Variants in NKTR observed in about 807,000 individuals in gnomAD.
NKTR encodes the protein natural killer cell triggering receptor, also known as NK-tumor recognition protein.
A neutral mutation model predicts 156.3 loss-of-function variants in NKTR; 67 were observed. The observed-to-expected ratio is 0.43, with a 90% CI of 0.35 to 0.53. The LOEUF (loss-of-function observed/expected upper bound fraction) is 0.53, where lower values mean the gene tolerates loss of function less well. Among genes scored for constraint, NKTR ranks in the 20% least tolerant of loss-of-function variants. The pLI is 0.01. For missense variants in NKTR, 1,604 were observed against 1,730.9 expected (o/e 0.93, Z 1.30); for synonymous variants, 640 against 596.6 (o/e 1.07, Z -1.06).
chr3:42,634,698 A>G lies in NKTR; in HGVS notation c.1015A>G (p.Ile339Val), dbSNP rs937651215. The G allele has an allele frequency of 5.1e-6, 8 of 1,570,414 alleles. No individual in the cohort carries two copies. In the Admixed American group the frequency reaches 5.3e-5, roughly 10 times the overall value. The change falls in exon 11 of 17, where the codon ATT becomes GTT. Residue 339 changes from isoleucine to valine, a missense_variant and splice_region_variant. By Grantham distance (29) the Ile-to-Val change is conservative. Coordinates refer to ENST00000232978, the MANE Select transcript of NKTR (RefSeq NM_005385.4). The stretch of plus-strand genomic sequence containing the variant: ...ACGGAAGATTAAAGGAAGGGGCACA[A>G]TTGTATGTGTGATAAGACTTTTTTT... ...SGRKIKGRGT[I>V]RYHTPPRSRS... is the part of the protein sequence containing the mutation.
chr3:42,628,362 A>T, intron 6 of NKTR: 1 of 985,300 alleles, frequency 1.0e-6, no homozygotes, highest in Non-Finnish European at 1.2e-6. Context: ...TAAAAACTAA[A>T]CTTGAATGTC....
chr3:42,628,583 T>G, intron 6 of NKTR: 10 of 985,414 alleles, frequency 1.0e-5, no homozygotes, highest in Non-Finnish European at 1.2e-5. Flanking sequence ...CTGCAGGATC[T>G]GTGAGTCATG....
At position 42,638,591 on chromosome 3, in the gene NKTR, T is replaced by C; in HGVS notation, c.2887T>C (p.Ser963Pro). 1 of 1,613,870 alleles carries C rather than the reference T, an allele frequency of 6.2e-7. No individual in the cohort carries two copies. Among genetic ancestry groups the C allele is most frequent in the South Asian group, 1.1e-5 (1 of 91,026 alleles). The part of the protein sequence containing the change: ...QRTSTSDSEG[S>P]CSNSENNRGK... ...CACATCAACTTCTGACTCTGAGGGG[T>C]CCTGTTCCAATTCGGAAAACAATAG... The change falls in exon 13 of 17, where the codon TCC (serine) becomes CCC (proline). Residue 963 changes from serine to proline, a missense_variant. This residue lies in a region of NKTR where 1,255 missense variants were observed against 1,243.7 expected (regional missense o/e 1.01). Transcript: ENST00000232978.
chr3:42,600,916 G>A (rs1705338098), intron 1 of NKTR, 68 bp from the exon 2 acceptor site: 3 of 980,584 alleles, frequency 3.1e-6, no homozygotes, highest in Non-Finnish European at 4.2e-6. Flanking sequence ...TCTCAGCCCC[G>A]CCCTCGCCCC....
intron 5 of NKTR, 101 bp from the exon 6 acceptor site, chr3:42,621,328 C>T: frequency 6.8e-7 from 1 of 1,460,340 alleles, no homozygotes; most frequent in South Asian, 1.4e-5. Flanking sequence ...CTGTACTGAC[C>T]AGAAGAGGAA....
chr3:42,630,248 T>A (rs747549790), intron 6 of NKTR: 8 of 1,147,666 alleles, frequency 7.0e-6, no homozygotes, highest in African/African-American at 1.6e-5. Context: ...TTAATTTTTA[T>A]GTGTATTCAT....
At chr3:42,603,573 T>G (rs1705835173) in intron 2 of NKTR, among the ~76,000 whole-genome samples, 1 of 152,006 alleles carries the variant, frequency 6.6e-6, no homozygotes, top group African/African-American at 2.4e-5. Context: ...TAGATGTGAT[T>G]AGCACTCTTG....
In NKTR at chr3:42,648,722, T is replaced by C. The variant is rs928792565; in HGVS notation, c.*2747T>C. ...AGGGGACCTTGTAGAAATTAAAATA[T>C]ATACTTAGTCTAAGTCTGAGTCTGT... On this transcript the variant is annotated 3_prime_UTR_variant, in exon 17 of 17. Coordinates refer to ENST00000232978, the MANE Select transcript of NKTR (RefSeq NM_005385.4). The C allele has an allele frequency of 6.5e-6, 1 of 152,678 alleles. No individual in the cohort carries two copies. The highest frequency in any genetic ancestry group is 1.5e-5 in the Non-Finnish European group (1 of 68,048). 9.5% of individuals were successfully genotyped at this position (152,678 alleles called of 1,614,324 possible).
At chr3:42,603,720 G>T (rs143028087) in intron 2 of NKTR, among the ~76,000 whole-genome samples, 1 of 149,700 alleles carries the variant, frequency 6.7e-6, no homozygotes, top group African/African-American at 2.5e-5. Flanking sequence ...CTAAATAGTG[G>T]ATTTTACACA....
Position 42,619,068 on chromosome 3 carries a change from G to A in NKTR, c.182G>A (p.Gly61Asp). 1 of 1,608,540 alleles carries A rather than the reference G, an allele frequency of 6.2e-7. No individual in the cohort carries two copies. The highest frequency in any genetic ancestry group is 8.5e-7 in the Non-Finnish European group (1 of 1,177,916). ...ACTGGGAAGAAGTTATGTTATAAAG[G>A]TTCTACGTTCCATCGTGTGGTTAAA... ...KTTGKKLCYK[G>D]STFHRVVKNF... The change falls in exon 4 of 17, where the codon GGT becomes GAT. Residue 61 changes from glycine to aspartate, a missense_variant. Coordinates refer to ENST00000232978, the MANE Select transcript of NKTR (RefSeq NM_005385.4).
intron 1 of NKTR, 34 bp from the exon 2 acceptor site, chr3:42,600,950 C>G (rs573986877): frequency 2.4e-5 from 35 of 1,438,380 alleles, no homozygotes; most frequent in African/African-American, 2.9e-5. Flanking sequence ...GCCCTCGCCC[C>G]TGCCCTGACC....
At chr3:42,630,419 T>A in intron 6 of NKTR, 127 bp from the exon 7 acceptor site, 1 of 1,525,366 alleles carries the variant, frequency 6.6e-7, no homozygotes, top group South Asian at 1.3e-5. Flanking sequence ...ATATCATGTT[T>A]AACTTTTTCC....
chr3:42,618,494 G>C (rs1707611431), intron 3 of NKTR, among the ~76,000 whole-genome samples: 1 of 152,040 alleles, frequency 6.6e-6, no homozygotes, highest in African/African-American at 2.4e-5. Context: ...AAACAGGCTG[G>C]AGTGCGGTAG....
chr3:42,627,895 T>C lies in NKTR; in HGVS notation c.375-2651T>C, dbSNP rs1226145106. The C allele has an allele frequency of 9.1e-6, 9 of 985,118 alleles. No homozygotes were observed. In the African/African-American group the frequency reaches 1.2e-4, roughly 13 times the overall value. 61.0% of individuals were successfully genotyped at this position (985,118 alleles called of 1,614,324 possible). The stretch of plus-strand genomic sequence containing the variant: ...AAGATCAATGCAATTTTTCTTTTAA[T>C]TGAAGATTTTGAAAGATTAAGAGTT... On this transcript the variant is annotated intron_variant, in intron 6 of 16. Transcript: ENST00000232978.
chr3:42,644,716 T>A (rs1710208135), intron 16 of NKTR, among the ~76,000 whole-genome samples: 1 of 152,172 alleles, frequency 6.6e-6, no homozygotes, highest in African/African-American at 2.4e-5. Flanking sequence ...TTGGGACTTT[T>A]CCTTCTGCCT....
chr3:42,646,704 A>G lies in NKTR; in HGVS notation c.*729A>G, dbSNP rs1169340793. On this transcript the variant is annotated 3_prime_UTR_variant, in exon 17 of 17. Transcript: ENST00000232978. The stretch of plus-strand genomic sequence containing the variant: ...CCGATCAGAAGTTTAGGTTATAAAA[A>G]CAATTCTACTTCATGCTTTGGTGCT... 1.3e-5 allele frequency: 2 copies of G among 152,660 alleles called. No homozygotes were observed. The highest frequency in any genetic ancestry group is 4.8e-5 in the African/African-American group (2 of 41,448). The allele number at this position is 152,660 out of a possible 1,614,324, so 9.5% of individuals were successfully genotyped here.
At chr3:42,643,702 A>C in intron 15 of NKTR, 200 bp from the exon 16 acceptor site, 1 of 684,594 alleles carries the variant, frequency 1.5e-6, no homozygotes, top group East Asian at 2.7e-5. Context: ...AAAGAAATTA[A>C]CATTTTTCTC....
At chr3:42,623,079 C>T (rs1474436583) in intron 6 of NKTR, among the ~76,000 whole-genome samples, 6 of 151,922 alleles carry the variant, frequency 3.9e-5, no homozygotes, top group East Asian at 3.9e-4. Context: ...ATTCAGTATA[C>T]GAGATTCTCC....
At chr3:42,639,797 T>C (rs1470823437) in intron 13 of NKTR, 47 bp downstream of exon 13, 30 of 1,270,466 alleles carry the variant, frequency 2.4e-5, no homozygotes, top group South Asian at 4.2e-5. Flanking sequence ...GAGTCTGTTA[T>C]TGTTTAGCTT....
Sources: gnomAD v4.1 joint callset for allele counts (sites outside exome capture counted in the v4.1 genomes callset) on GRCh38, gnomAD v4.1.1 for gene constraint, gnomAD v4.1.1 regional missense constraint, MANE v1.5 for transcripts, NCBI Gene and HGNC (gene_info 2026-07-23, HGNC 2026-07-21) for gene names.